The following STN1 variants were observed in gnomAD, a reference collection of about 807,000 sequenced individuals.
The protein encoded by STN1 is CST complex subunit STN1.
In STN1, 29 loss-of-function variants were observed where a neutral mutation model predicts 45.5. The observed-to-expected ratio is 0.64, with a 90% CI of 0.47 to 0.87. STN1 has a LOEUF of 0.87. Ranked by LOEUF, STN1 falls within the 40% of genes least tolerant of loss-of-function variation. STN1 has a pLI of 0.00. For synonymous variants in STN1, 148 were observed against 159.0 expected (o/e 0.93, Z 0.52); for missense variants, 376 against 441.4 (o/e 0.85, Z 1.33).
chr10:103,902,506 A>T (rs1299859331), intron 4 of STN1, among the ~76,000 whole-genome samples: 1 of 152,176 alleles, frequency 6.6e-6, no homozygotes, highest in Non-Finnish European at 1.5e-5. Flanking sequence ...AAATGAATAT[A>T]ATGAGAAGAC....
rs1159216093 is a variant in STN1, at chr10:103,892,114, G to T, written c.876+16C>A. 6.4e-7 allele frequency: 1 copy of T among 1,565,256 alleles called. No individual in the cohort carries two copies. ...TGAAGCTACAAAGAAAAAAAGTTAA[G>T]TTGCAAGTGTCTTACATAGTATAGG... On this transcript the variant is annotated intron_variant, in intron 8 of 9. Coordinates refer to ENST00000224950, the MANE Select transcript of STN1 (RefSeq NM_024928.5).
At chr10:103,885,889 G>A (rs1363530363) in intron 9 of STN1, among the ~76,000 whole-genome samples, 2 of 152,128 alleles carry the variant, frequency 1.3e-5, no homozygotes, top group Non-Finnish European at 2.9e-5. Flanking sequence ...GGTGATAACT[G>A]CGCCTTATAT....
chr10:103,909,165 T>C (rs550594363), intron 3 of STN1, among the ~76,000 whole-genome samples: 1 of 151,660 alleles, frequency 6.6e-6, no homozygotes, highest in African/African-American at 2.4e-5. Flanking sequence ...TATTATTTCG[T>C]TGTTGGCATT....
chr10:103,917,432 C>G, intron 2 of STN1, 30 bp downstream of exon 2: 3 of 1,605,186 alleles, frequency 1.9e-6, no homozygotes, highest in Non-Finnish European at 2.6e-6. Flanking sequence ...AGATGCAGCC[C>G]AGGGCATCCC....
chr10:103,888,814 G>T (rs1029651975), intron 9 of STN1, among the ~76,000 whole-genome samples: 1 of 152,086 alleles, frequency 6.6e-6, no homozygotes, highest in Non-Finnish European at 1.5e-5. Flanking sequence ...AAATCCCCAG[G>T]GTAGAATCTG....
intron 9 of STN1, 46 bp downstream of exon 9, chr10:103,889,026 C>T (rs774968309): frequency 2.3e-6 from 3 of 1,332,118 alleles, no homozygotes; most frequent in Non-Finnish European, 3.2e-6. Flanking sequence ...GAGACAGTAT[C>T]CCCTTCCAGG....
chr10:103,916,791 A>AT (rs2134379985), intron 2 of STN1, among the ~76,000 whole-genome samples: 1 of 64,278 alleles, frequency 1.6e-5, no homozygotes, highest in Admixed American at 1.8e-4. Flanking sequence ...CTATTCTAAT[A>AT]CAAAAAAAAA....
At chr10:103,889,885 T>C (rs1170281023) in intron 8 of STN1, among the ~76,000 whole-genome samples, 1 of 151,962 alleles carries the variant, frequency 6.6e-6, no homozygotes, top group Non-Finnish European at 1.5e-5. Flanking sequence ...GTATTTTTAG[T>C]AGAGATGAGG....
intron 2 of STN1, among the ~76,000 whole-genome samples, chr10:103,913,114 T>C (rs888922253): frequency 5.3e-5 from 8 of 152,194 alleles, no homozygotes; most frequent in Non-Finnish European, 7.3e-5. Context: ...CAAAAACACT[T>C]TCAGATGGGG....
chr10:103,882,887 C>T (rs776110532), intron 9 of STN1, 46 bp from the exon 10 acceptor site: 90 of 1,574,340 alleles, frequency 5.7e-5, no homozygotes, highest in Non-Finnish European at 6.9e-5. Flanking sequence ...AACTGTCAGG[C>T]CCTCCTCTGT....
chr10:103,882,789 G>A lies in STN1; in HGVS notation c.1002C>T (p.Ser334=). ...FLHILACARL[S]IRPGLSEAVL... ...CAGCCTCGCTCAGGCCCGGGCGGAT[G>A]CTCAGGCGAGCACAGGCCAAGATGT... is the stretch of plus-strand genomic sequence containing the variant. The change falls in exon 10 of 10, where the codon AGC becomes AGT. Residue 334 remains serine (S), a synonymous_variant. Transcript: ENST00000224950. 1 of 1,614,160 alleles carries A rather than the reference G, an allele frequency of 6.2e-7. No individual in the cohort carries two copies. The highest frequency in any genetic ancestry group is 1.3e-5 in the African/African-American group (1 of 75,052).
At chr10:103,914,960 T>G (rs147567892) in intron 2 of STN1, among the ~76,000 whole-genome samples, 44 of 152,306 alleles carry the variant, frequency 2.9e-4, no homozygotes, top group African/African-American at 9.6e-4. Flanking sequence ...GGTTATAAAT[T>G]TGGGGGTCCC....
intron 2 of STN1, among the ~76,000 whole-genome samples, chr10:103,913,505 G>C (rs1173180669): frequency 6.6e-6 from 1 of 151,838 alleles, no homozygotes; most frequent in East Asian, 1.9e-4. Flanking sequence ...GAGATCAGAA[G>C]ACTATAACAG....
At chr10:103,906,050 G>T (rs978549650) in intron 3 of STN1, among the ~76,000 whole-genome samples, 1 of 152,124 alleles carries the variant, frequency 6.6e-6, no homozygotes, top group Non-Finnish European at 1.5e-5. Flanking sequence ...ACACAATCCT[G>T]AAGAAATCTA....
rs767526105 is a variant in STN1, at chr10:103,892,699, TA to T, written c.754-448del. Reference sequence around the variant, plus strand: ...ATTTGGGGATTCCAGCATGAAGTATTAAATAGCCTCATTATTTTAAATGGAG... The same window carrying T: ...ATTTGGGGATTCCAGCATGAAGTATTAATAGCCTCATTATTTTAAATGGAG... On this transcript the variant is annotated intron_variant, in intron 7 of 9. Transcript: ENST00000224950. Among the ~76,000 whole-genome samples, 7 of 152,248 alleles carry T rather than the reference TA, an allele frequency of 4.6e-5. No homozygotes were observed. The East Asian group carries it at 1.4e-3, about 29-fold the overall frequency.
At position 103,897,624 on chromosome 10, in the gene STN1, T is replaced by C. The variant is rs1843179379; in HGVS notation, c.677A>G (p.Gln226Arg). ...LMENRVQSFY[Q>R]QELEMVESLL... ...AGACTCCACCATTTCCAGCTCCTGC[T>C]GGTAAAAGCTCTGCACTCTGTTCTC... Residue 226 changes from glutamine (Q) to arginine (R), a missense_variant, in exon 7 of 10, where the codon CAG (glutamine) becomes CGG (arginine). Physicochemically the swap from Gln to Arg is conservative, Grantham distance 43. Coordinates refer to ENST00000224950, the MANE Select transcript of STN1 (RefSeq NM_024928.5). The C allele has an allele frequency of 6.2e-7, 1 of 1,614,204 alleles. No individual in the cohort carries two copies. Among genetic ancestry groups the C allele is most frequent in the Non-Finnish European group, 8.5e-7 (1 of 1,180,018 alleles).
At chr10:103,907,927 G>C (rs60686870) in intron 3 of STN1, among the ~76,000 whole-genome samples, 1 of 151,952 alleles carries the variant, frequency 6.6e-6, no homozygotes, top group Non-Finnish European at 1.5e-5. Context: ...CCAGGAGTTC[G>C]AGACCAGCCT....
At chr10:103,909,432 A>ATG (rs1843270014) in intron 3 of STN1, among the ~76,000 whole-genome samples, 1 of 59,206 alleles carries the variant, frequency 1.7e-5, no homozygotes, top group Non-Finnish European at 3.6e-5. Flanking sequence ...ATGTATATAT[A>ATG]TGTATATATA....
At position 103,880,842 on chromosome 10, in the gene STN1, C is replaced by T. The variant is rs1043335007; in HGVS notation, c.*1842G>A. Among the ~76,000 whole-genome samples, 21 of 152,176 alleles carry T rather than the reference C, an allele frequency of 1.4e-4. No individual in the cohort carries two copies. In the South Asian group the frequency reaches 1.7e-3, roughly 12 times the overall value. ...AGCTTGGTGTCCTGAAAGCCAAACGCGGAAAGTACTTCCAGGAGAAGGGAG... is the reference window on the plus strand; with the variant it reads ...AGCTTGGTGTCCTGAAAGCCAAACGTGGAAAGTACTTCCAGGAGAAGGGAG... On this transcript the variant is annotated 3_prime_UTR_variant, in exon 10 of 10. Transcript: ENST00000224950.
Sources: allele counts gnomAD v4.1 joint callset (sites outside exome capture counted in the v4.1 genomes callset), GRCh38; gene constraint gnomAD v4.1.1; transcripts MANE v1.5; gene names NCBI Gene and HGNC (gene_info 2026-07-23, HGNC 2026-07-21).